Variants in NRG3 observed in about 807,000 individuals in gnomAD.
NRG3 encodes neuregulin 3.
NRG3 carries 31 observed loss-of-function variants against 66.9 expected under a neutral mutation model. The observed-to-expected ratio is 0.46, with a 90% CI of 0.35 to 0.63. The LOEUF (loss-of-function observed/expected upper bound fraction) is 0.63. Ranked by LOEUF, NRG3 falls within the 20% of genes least tolerant of loss-of-function variation. The pLI, the probability that NRG3 is intolerant of heterozygous loss-of-function variation, is 0.00. For synonymous variants in NRG3, 393 were observed against 359.4 expected (o/e 1.09, Z -1.06); for missense variants, 910 against 878.9 (o/e 1.04, Z -0.45).
intron 3 of NRG3, among the ~76,000 whole-genome samples, chr10:82,842,815 GCC>G (rs200208945): frequency 0.049 from 7,470 of 152,170 alleles, 243 homozygotes; most frequent in African/African-American, 0.093. Context: ...CAAACTTCTG[GCC>G]TCAAGTGATC....
At chr10:82,794,517 C>T (rs1214744842) in intron 3 of NRG3, among the ~76,000 whole-genome samples, 1 of 152,116 alleles carries the variant, frequency 6.6e-6, no homozygotes, top group Admixed American at 6.6e-5. Context: ...GCCTAATCTG[C>T]TCATTTGTTT....
At chr10:82,166,884 A>G (rs2072111063) in intron 1 of NRG3, 1 of 595,726 alleles carries the variant, frequency 1.7e-6, no homozygotes, top group South Asian at 2.1e-5. Context: ...TTTTCTCAGT[A>G]GTTTTTTTTT....
chr10:82,831,621 C>T (rs2062528230), intron 3 of NRG3, among the ~76,000 whole-genome samples: 1 of 151,964 alleles, frequency 6.6e-6, no homozygotes, highest in Non-Finnish European at 1.5e-5. Context: ...TCAAAACCAG[C>T]CTGACCAACA....
chr10:81,912,213 A>G lies in NRG3; in HGVS notation c.823+36050A>G, dbSNP rs553107795. Reference sequence around the variant, plus strand: ...AGTGAACACAAGTATGTTTTTTCATATAGGTCATGATGATGATGATGATGA... The same window carrying G: ...AGTGAACACAAGTATGTTTTTTCATGTAGGTCATGATGATGATGATGATGA... On this transcript the variant is annotated intron_variant, in intron 1 of 8. Transcript: ENST00000372141. 2.0e-5 allele frequency among the ~76,000 whole-genome samples: 3 copies of G among 152,160 alleles called. No individual in the cohort carries two copies. The East Asian group carries it at 5.8e-4, about 29-fold the overall frequency.
chr10:82,011,323 C>G (rs578032131), intron 1 of NRG3, among the ~76,000 whole-genome samples: 29 of 152,206 alleles, frequency 1.9e-4, no homozygotes, highest in Admixed American at 9.2e-4. Flanking sequence ...AGTATGAGGA[C>G]ACCCACGCAG....
chr10:82,665,981 C>G (rs925033668), intron 2 of NRG3, among the ~76,000 whole-genome samples: 4 of 152,170 alleles, frequency 2.6e-5, no homozygotes, highest in African/African-American at 9.7e-5. Flanking sequence ...CCTGCCTCAG[C>G]CTTCAGAGTA....
intron 1 of NRG3, among the ~76,000 whole-genome samples, chr10:81,997,804 C>T: frequency 6.6e-6 from 1 of 151,844 alleles, no homozygotes; most frequent in Middle Eastern, 3.2e-3. Context: ...TAATGTCTCC[C>T]TAGCTGTGGG....
chr10:82,617,401 G>A lies in NRG3; in HGVS notation c.954-121176G>A, dbSNP rs181439915. 1.6e-4 allele frequency among the ~76,000 whole-genome samples: 25 copies of A among 151,632 alleles called. No homozygotes were observed. In the East Asian group the frequency reaches 3.5e-3, roughly 21 times the overall value. ...ACACAAACACCACACACAGACACAC[G>A]GCCAGCCGAAGTTTGGAGAAGGAGG... is the stretch of plus-strand genomic sequence containing the variant. On this transcript the variant is annotated intron_variant, in intron 2 of 8. Transcript: ENST00000372141.
chr10:82,471,890 G>GAA lies in NRG3; in HGVS notation c.953+113034_953+113035dup, dbSNP rs71009809. On this transcript the variant is annotated intron_variant, in intron 2 of 8. Transcript: ENST00000372141. Reference sequence around the variant, plus strand: ...GGCTACAAGAGCAAGACTCCATCTCGAAAAAAAAAAAAATCAAGGTTTGTA... The same window carrying GAA: ...GGCTACAAGAGCAAGACTCCATCTCGAAAAAAAAAAAAAAATCAAGGTTTGTA... Among the ~76,000 whole-genome samples, 373 of 145,498 alleles carry GAA rather than the reference G, an allele frequency of 2.6e-3. 3 individuals carry two copies. Among genetic ancestry groups the GAA allele is most frequent in the African/African-American group, 4.6e-3 (177 of 38,754 alleles).
At chr10:82,710,218 A>T (rs576343031) in intron 2 of NRG3, among the ~76,000 whole-genome samples, 7 of 152,218 alleles carry the variant, frequency 4.6e-5, no homozygotes, top group Non-Finnish European at 7.3e-5. Flanking sequence ...TGTGCACACT[A>T]ATCATTGTTT....
At chr10:82,955,810 A>G (rs1849988286) in intron 5 of NRG3, among the ~76,000 whole-genome samples, 1 of 152,044 alleles carries the variant, frequency 6.6e-6, no homozygotes, top group East Asian at 1.9e-4. Context: ...CAAGTTTGCC[A>G]GCAAACACCG....
intron 1 of NRG3, among the ~76,000 whole-genome samples, chr10:82,187,506 T>C (rs1238092859): frequency 5.9e-5 from 9 of 152,184 alleles, no homozygotes; most frequent in African/African-American, 1.9e-4. Flanking sequence ...GCAAAAGTTT[T>C]CATTATTTGT....
intron 1 of NRG3, among the ~76,000 whole-genome samples, chr10:82,212,233 C>T (rs146822535): frequency 1.3e-5 from 2 of 152,232 alleles, no homozygotes; most frequent in African/African-American, 4.8e-5. Context: ...TTCTGAGGAG[C>T]AAAGAAGCAC....
At chr10:82,498,256 G>C (rs1162895377) in intron 2 of NRG3, among the ~76,000 whole-genome samples, 1 of 151,940 alleles carries the variant, frequency 6.6e-6, no homozygotes, top group Non-Finnish European at 1.5e-5. Flanking sequence ...AAATAAACAA[G>C]GGTGATTTTT....
chr10:82,893,583 G>C (rs1164836108), intron 4 of NRG3, among the ~76,000 whole-genome samples: 2 of 152,082 alleles, frequency 1.3e-5, no homozygotes. Context: ...AGTTACTCTC[G>C]AGGCTGAGGC....
intron 1 of NRG3, among the ~76,000 whole-genome samples, chr10:81,890,827 A>G (rs1211262114): frequency 1.3e-5 from 2 of 152,180 alleles, no homozygotes; most frequent in Non-Finnish European, 2.9e-5. Context: ...TATGCAAGCA[A>G]GCCATTGAGC....
At chr10:82,708,747 A>G (rs1297356230) in intron 2 of NRG3, among the ~76,000 whole-genome samples, 1 of 152,160 alleles carries the variant, frequency 6.6e-6, no homozygotes, top group Non-Finnish European at 1.5e-5. Context: ...CATCTTATTG[A>G]GCACTTTAAA....
chr10:82,361,412 T>A (rs1293726443), intron 2 of NRG3, among the ~76,000 whole-genome samples: 1 of 152,224 alleles, frequency 6.6e-6, no homozygotes, highest in African/African-American at 2.4e-5. Context: ...ACACATCACA[T>A]GTGCCTGCTA....
At chr10:82,292,120 C>T (rs1041992966) in intron 1 of NRG3, among the ~76,000 whole-genome samples, 1 of 152,026 alleles carries the variant, frequency 6.6e-6, no homozygotes, top group African/African-American at 2.4e-5. Flanking sequence ...TCTCAAAACT[C>T]AACAGTTAAA....
Sources: allele counts gnomAD v4.1 joint callset (sites outside exome capture counted in the v4.1 genomes callset), GRCh38; gene constraint gnomAD v4.1.1; transcripts MANE v1.5; gene names NCBI Gene and HGNC (gene_info 2026-07-23, HGNC 2026-07-21).